CCDC136: variants seen among roughly 807,000 people sequenced by gnomAD.
CCDC136 encodes coiled-coil domain containing 136.
In CCDC136, 100 loss-of-function variants were observed where a neutral mutation model predicts 141.2. The ratio of observed to expected loss-of-function variants is 0.71; its 90% CI spans 0.60 to 0.84. The LOEUF (loss-of-function observed/expected upper bound fraction) is 0.84, where lower values mean the gene tolerates loss of function less well. CCDC136 is among the 40% of genes least tolerant of loss of function. The pLI, the probability that CCDC136 is intolerant of heterozygous loss-of-function variation, is 0.00. For synonymous variants in CCDC136, 474 were observed against 531.9 expected (o/e 0.89, Z 1.50); for missense variants, 1,206 against 1,379.4 (o/e 0.87, Z 1.99).
At position 128,794,986 on chromosome 7, in the gene CCDC136, G is replaced by A. The variant is rs536796830; in HGVS notation, c.346+218G>A. Among the ~76,000 whole-genome samples the A allele has an allele frequency of 2.6e-5, 4 of 152,080 alleles. No homozygotes were observed. The highest frequency in any genetic ancestry group is 2.6e-4 in the Admixed American group (4 of 15,296). ...CTTTGCACATCTACCTGGCTCTTCT[G>A]TCCTCCCCTTCCATTTCTTGGCCTC... On this transcript the variant is annotated intron_variant, in intron 3 of 17. Coordinates refer to ENST00000297788, the MANE Select transcript of CCDC136 (RefSeq NM_022742.5). The surrounding 1 kb of genome is among the most constrained non-coding windows in gnomAD (Gnocchi z 4.3).
At chr7:128,791,200 G>T (rs1035059678), upstream of CCDC136, among the ~76,000 whole-genome samples, 3 of 152,162 alleles carry the variant, frequency 2.0e-5, no homozygotes, top group Non-Finnish European at 4.4e-5. This position sits in a 1 kb window ranked among gnomAD's most constrained non-coding sequence, Gnocchi z 7.1. Flanking sequence ...ATAAGCCTAG[G>T]AGCTCCTGAC....
In CCDC136 at chr7:128,807,495, C is replaced by G; in HGVS notation, c.1555C>G (p.Leu519Val). Residue 519 changes from leucine to valine, a missense_variant, in exon 10 of 18, where the codon CTC (leucine) becomes GTC (valine). Leu to Val is a conservative substitution (Grantham distance 32). Transcript: ENST00000297788. Reference protein sequence around the residue: ...LLLCQLELKELKASHPIPEDK... With the variant: ...LLLCQLELKEVKASHPIPEDK... ...GCTCTGCCAGCTGGAGCTGAAAGAG[C>G]TCAAGGCCTCCCACCCCATTCCGGA... The G allele has an allele frequency of 6.5e-7, 1 of 1,531,372 alleles. No homozygotes were observed. Among genetic ancestry groups the G allele is most frequent in the African/African-American group, 1.4e-5 (1 of 71,984 alleles). 94.9% of individuals were successfully genotyped at this position (1,531,372 alleles called of 1,614,324 possible).
At chr7:128,793,820 C>T (rs186520112) in intron 1 of CCDC136, among the ~76,000 whole-genome samples, 48 of 152,280 alleles carry the variant, frequency 3.2e-4, no homozygotes, top group Middle Eastern at 3.4e-3. Flanking sequence ...CCATGTTGAC[C>T]GGGCTGGTTT....
chr7:128,791,362 G>A, upstream of CCDC136: 2 of 507,124 alleles, frequency 3.9e-6, no homozygotes, highest in Non-Finnish European at 6.0e-6. This position sits in a 1 kb window ranked among gnomAD's most constrained non-coding sequence, Gnocchi z 7.1. Context: ...GGCGGGGGGC[G>A]GTGTCAGGAG....
At chr7:128,791,181 G>C (rs1345497592), upstream of CCDC136, among the ~76,000 whole-genome samples, 1 of 152,160 alleles carries the variant, frequency 6.6e-6, no homozygotes, top group African/African-American at 2.4e-5. This position sits in a 1 kb window ranked among gnomAD's most constrained non-coding sequence, Gnocchi z 7.1. Flanking sequence ...CCTCCCTCTT[G>C]GGGCAGCCAT....
chr7:128,799,522 A>G (rs1803661467), intron 3 of CCDC136, among the ~76,000 whole-genome samples: 1 of 151,814 alleles, frequency 6.6e-6, no homozygotes, highest in African/African-American at 2.4e-5. Flanking sequence ...TGGTGAGCAA[A>G]CCAGATATGC....
At chr7:128,814,581 A>T (rs1419397915) in intron 14 of CCDC136, 57 bp from the exon 15 acceptor site, 2 of 1,454,878 alleles carry the variant, frequency 1.4e-6, no homozygotes, top group Non-Finnish European at 1.8e-6. Context: ...TTGCGTGGTC[A>T]GCCAACTGGT....
Position 128,822,105 on chromosome 7 carries a change from T to A in CCDC136, c.*312T>A, listed in dbSNP as rs1378222408. The A allele has an allele frequency of 8.5e-7, 1 of 1,178,838 alleles. No homozygotes were observed. Among genetic ancestry groups the A allele is most frequent in the African/African-American group, 1.6e-5 (1 of 62,356 alleles). The allele number at this position is 1,178,838 out of a possible 1,614,324, so 73.0% of individuals were successfully genotyped here. A position where few individuals can be genotyped will look rare whatever the true frequency, so the allele number is the denominator to read the frequency against. ...GCCTTGTGTAAGAACCTGAGTTCCT[T>A]GTAATTAAATATCAACTGAATTACA... On this transcript the variant is annotated 3_prime_UTR_variant, in exon 18 of 18. Coordinates refer to ENST00000297788, the MANE Select transcript of CCDC136 (RefSeq NM_022742.5).
chr7:128,800,626 G>T (rs1241709284), intron 3 of CCDC136, among the ~76,000 whole-genome samples: 1 of 152,140 alleles, frequency 6.6e-6, no homozygotes, highest in African/African-American at 2.4e-5. Context: ...CTTATCGACT[G>T]ACACTTAGAT....
At chr7:128,815,342 G>A (rs1181781885) in intron 15 of CCDC136, among the ~76,000 whole-genome samples, 1 of 152,258 alleles carries the variant, frequency 6.6e-6, no homozygotes, top group Admixed American at 6.5e-5. Context: ...GGGGTGGGAA[G>A]CAACAATTTA....
chr7:128,814,636 A>T lies in CCDC136; in HGVS notation c.2764-2A>T. 1 of 1,557,134 alleles carries T rather than the reference A, an allele frequency of 6.4e-7. No individual in the cohort carries two copies. Among genetic ancestry groups the T allele is most frequent in the Non-Finnish European group, 8.7e-7 (1 of 1,151,596 alleles). ...GGGTAACTGGCCCTCCACTACCAAC[A>T]GATCAAAGAACTGCAGACCAAGCTG... On this transcript the variant is annotated splice_acceptor_variant, in intron 14 of 17. Coordinates refer to ENST00000297788, the MANE Select transcript of CCDC136 (RefSeq NM_022742.5). LOFTEE classifies it high-confidence loss of function.
chr7:128,811,623 G>C (rs1326779033), intron 12 of CCDC136, among the ~76,000 whole-genome samples, 177 bp from the exon 13 acceptor site: 1 of 152,178 alleles, frequency 6.6e-6, no homozygotes, highest in Non-Finnish European at 1.5e-5. Context: ...AAATGAGCAA[G>C]AAACTGATAC....
rs1047587288 is a variant in CCDC136 at position 128,817,987 on chromosome 7, T to G, written c.*5+123T>G. ...GCTTGTGCCATTTTATAATAGGTGA[T>G]GCTCAGGTCTGAGTTTTAGTTCTGA... On this transcript the variant is annotated intron_variant, in intron 17 of 17. Coordinates refer to ENST00000297788, the MANE Select transcript of CCDC136 (RefSeq NM_022742.5). This position sits in a 1 kb window ranked among gnomAD's most constrained non-coding sequence, Gnocchi z 4.6. 6.9e-6 allele frequency: 5 copies of G among 721,712 alleles called. No individual in the cohort carries two copies. The highest frequency in any genetic ancestry group is 1.2e-5 in the Non-Finnish European group (5 of 412,292). The allele number at this position is 721,712 out of a possible 1,614,324, so 44.7% of individuals were successfully genotyped here. A position where few individuals can be genotyped will look rare whatever the true frequency, so the allele number is the denominator to read the frequency against.
rs1008117813 is a variant in CCDC136 at position 128,817,062 on chromosome 7, G to A, written c.3364-696G>A. ...AGCCTCACAGATGTCTTTACCTTCG[G>A]TGCCACATTTCTAAAGCTAGACCTG... On this transcript the variant is annotated intron_variant, in intron 16 of 17. Coordinates refer to ENST00000297788, the MANE Select transcript of CCDC136 (RefSeq NM_022742.5). This position sits in a 1 kb window ranked among gnomAD's most constrained non-coding sequence, Gnocchi z 4.6. Among the ~76,000 whole-genome samples, 9 of 152,148 alleles carry A rather than the reference G, an allele frequency of 5.9e-5. No individual in the cohort carries two copies. Among genetic ancestry groups the A allele is most frequent in the Non-Finnish European group, 1.3e-4 (9 of 68,028 alleles).
Position 128,809,436 on chromosome 7 carries a change from G to GC in CCDC136, c.1606-9dup. 1 of 595,356 alleles carries GC rather than the reference G, an allele frequency of 1.7e-6. No individual in the cohort carries two copies. Among genetic ancestry groups the GC allele is most frequent in the Non-Finnish European group, 2.5e-6 (1 of 398,700 alleles). The allele number at this position is 595,356 out of a possible 1,614,324, so 36.9% of individuals were successfully genotyped here. On this transcript the variant is annotated splice_polypyrimidine_tract_variant and intron_variant, in intron 10 of 17. Transcript: ENST00000297788. The stretch of plus-strand genomic sequence containing the variant: ...CAGAGTAACCACCCCCTCCACACCC[G>GC]CCCCCACCCACAGTGTGACACACTG...
chr7:128,796,739 A>ATATATATATATATATTTTTTTTT, intron 3 of CCDC136, among the ~76,000 whole-genome samples: 8 of 113,370 alleles, frequency 7.1e-5, no homozygotes, highest in Non-Finnish European at 1.0e-4. Flanking sequence ...ATATATATAT[A>ATATATATATATATATTTTTTTTT]TTCTTTTTTT....
Position 128,817,998 on chromosome 7 carries a change from G to A in CCDC136, c.*5+134G>A. ...TTTATAATAGGTGATGCTCAGGTCT[G>A]AGTTTTAGTTCTGACTTTTCCTTGG... On this transcript the variant is annotated intron_variant, in intron 17 of 17. Transcript: ENST00000297788. This position sits in a 1 kb window ranked among gnomAD's most constrained non-coding sequence, Gnocchi z 4.6. 1 of 689,058 alleles carries A rather than the reference G, an allele frequency of 1.5e-6. No individual in the cohort carries two copies. Among genetic ancestry groups the A allele is most frequent in the Non-Finnish European group, 2.6e-6 (1 of 390,582 alleles). 42.7% of individuals were successfully genotyped at this position (689,058 alleles called of 1,614,324 possible).
intron 3 of CCDC136, among the ~76,000 whole-genome samples, chr7:128,795,693 G>A (rs925887151): frequency 3.4e-4 from 51 of 152,044 alleles, no homozygotes; most frequent in Non-Finnish European, 5.9e-5. Context: ...AGATTCCTGG[G>A]CCCAGCTATA....
intron 10 of CCDC136, chr7:128,808,429 A>G: frequency 1.1e-6 from 1 of 934,018 alleles, no homozygotes; most frequent in Non-Finnish European, 1.3e-6. Flanking sequence ...AAATCCTGGT[A>G]GTGATAAATA....
Sources: gnomAD v4.1 joint callset for allele counts (sites outside exome capture counted in the v4.1 genomes callset) on GRCh38, gnomAD v4.1.1 for gene constraint, Gnocchi (gnomAD v3.1) non-coding constraint, MANE v1.5 for transcripts, NCBI Gene and HGNC (gene_info 2026-07-23, HGNC 2026-07-21) for gene names.